Variants in CUX1 observed in about 807,000 individuals in gnomAD.
CUX1 encodes the protein protein CASP.
CUX1 carries 31 observed loss-of-function variants against 158.8 expected under a neutral mutation model. The ratio of observed to expected loss-of-function variants is 0.20; its 90% confidence interval spans 0.15 to 0.26. The LOEUF is 0.26. CUX1 is among the 10% of genes least tolerant of loss of function. The pLI, the probability that CUX1 is intolerant of heterozygous loss-of-function variation, is 1.00. For missense variants in CUX1, 1,589 were observed against 2,014.6 expected, an observed-to-expected ratio of 0.79 and a Z score of 4.04; for synonymous variants, 879 against 862.1, an observed-to-expected ratio of 1.02 and a Z score of -0.34.
chr7:101,819,986 C>T (rs1180701515), intron 1 of CUX1, among the ~76,000 whole-genome samples: 1 of 152,232 alleles, frequency 6.6e-6, no homozygotes, highest in Non-Finnish European at 1.5e-5. Context: ...GTGAACTGTG[C>T]TGAGCCTGAA....
At chr7:101,870,157 T>G (rs1294144557) in intron 1 of CUX1, among the ~76,000 whole-genome samples, 12 of 149,130 alleles carry the variant, frequency 8.0e-5, no homozygotes, top group Non-Finnish European at 1.3e-4. Context: ...TTTTTTGTTT[T>G]TTTTTTTTTT....
intron 9 of CUX1, among the ~76,000 whole-genome samples, chr7:102,164,524 C>T (rs1296316713): frequency 1.3e-5 from 2 of 152,178 alleles, no homozygotes; most frequent in Non-Finnish European, 2.9e-5. Flanking sequence ...CACAAGACTG[C>T]CCTAGTGGAG....
chr7:102,062,313 A>G (rs535094655), intron 3 of CUX1, among the ~76,000 whole-genome samples: 2 of 152,196 alleles, frequency 1.3e-5, no homozygotes, highest in East Asian at 1.9e-4. Flanking sequence ...CGGCAGCAGC[A>G]TATTCCATGT....
chr7:101,860,193 G>T (rs997968015), intron 1 of CUX1, among the ~76,000 whole-genome samples: 1 of 152,122 alleles, frequency 6.6e-6, no homozygotes, highest in African/African-American at 2.4e-5. Context: ...ATTTTGAACA[G>T]ATTCTTAAGA....
At chr7:102,232,032 T>TA (rs879994180) in intron 21 of CUX1, among the ~76,000 whole-genome samples, 70 of 141,200 alleles carry the variant, frequency 5.0e-4, no homozygotes, top group Admixed American at 7.7e-4. Context: ...TTATAACAAC[T>TA]AAAAAAAAAA....
At chr7:101,858,655 G>A (rs1797132225) in intron 1 of CUX1, among the ~76,000 whole-genome samples, 1 of 146,698 alleles carries the variant, frequency 6.8e-6, no homozygotes, top group Admixed American at 6.9e-5. Flanking sequence ...CTTAGAATGC[G>A]AATGCCTTTT....
At chr7:102,079,271 C>T (rs1163576428) in intron 4 of CUX1, among the ~76,000 whole-genome samples, 1 of 152,048 alleles carries the variant, frequency 6.6e-6, no homozygotes, top group Non-Finnish European at 1.5e-5. Flanking sequence ...AACCCCGTCT[C>T]TACTAAAAAT....
intron 2 of CUX1, chr7:101,960,287 G>A (rs1238431783): frequency 6.6e-6 from 1 of 152,174 alleles, no homozygotes; most frequent in Non-Finnish European, 1.5e-5. Flanking sequence ...CTGATTAATT[G>A]TGAGATTCTT....
At chr7:101,842,790 GTT>G (rs553781717) in intron 1 of CUX1, among the ~76,000 whole-genome samples, 2 of 134,774 alleles carry the variant, frequency 1.5e-5, no homozygotes, top group Non-Finnish European at 1.6e-5. Flanking sequence ...TGATGTATTG[GTT>G]TTTTTTTTTT....
chr7:101,824,170 C>T (rs1419389561), intron 1 of CUX1, among the ~76,000 whole-genome samples: 2 of 152,236 alleles, frequency 1.3e-5, no homozygotes, highest in African/African-American at 2.4e-5. Flanking sequence ...TCACCGCAAC[C>T]TCCACCTCCC....
intron 4 of CUX1, among the ~76,000 whole-genome samples, chr7:102,090,703 T>TA (rs1425659284): frequency 7.3e-6 from 1 of 137,878 alleles, no homozygotes; most frequent in South Asian, 2.3e-4. Flanking sequence ...TTTTTTTTTT[T>TA]CCTAGCTTTT....
intron 8 of CUX1, among the ~76,000 whole-genome samples, chr7:102,116,073 C>T (rs1554491719): frequency 6.6e-6 from 1 of 152,196 alleles, no homozygotes; most frequent in African/African-American, 2.4e-5. Flanking sequence ...GGTCCCCGCA[C>T]TCTGCTCACA....
intron 5 of CUX1, among the ~76,000 whole-genome samples, chr7:102,097,720 T>G (rs1554484819): frequency 6.6e-6 from 1 of 152,218 alleles, no homozygotes; most frequent in Non-Finnish European, 1.5e-5. Flanking sequence ...CGACGTAAGA[T>G]TTTATTGCCC....
intron 21 of CUX1, among the ~76,000 whole-genome samples, chr7:102,231,046 T>C: frequency 1.5e-5 from 1 of 64,920 alleles, no homozygotes; most frequent in East Asian, 5.1e-4. Flanking sequence ...TTTTTTTTTT[T>C]TGAGATGGAG....
intron 3 of CUX1, among the ~76,000 whole-genome samples, chr7:102,051,567 A>T (rs556397557): frequency 1.3e-5 from 2 of 151,486 alleles, no homozygotes; most frequent in East Asian, 3.9e-4. Context: ...AGGCAGCAGA[A>T]TCGTTTGAAC....
chr7:101,887,155 T>A (rs927472377), intron 1 of CUX1, among the ~76,000 whole-genome samples: 1 of 152,136 alleles, frequency 6.6e-6, no homozygotes, highest in Admixed American at 6.5e-5. Flanking sequence ...GAAGGGGCTT[T>A]GCTGGGGAGG....
At chr7:102,001,717 C>T (rs1368536403) in intron 2 of CUX1, among the ~76,000 whole-genome samples, 2 of 152,200 alleles carry the variant, frequency 1.3e-5, no homozygotes, top group African/African-American at 2.4e-5. Flanking sequence ...ACCTGGTGGT[C>T]AGGATGTTCC....
chr7:102,282,759 C>A, exon 22 of CUX1: 13 of 1,613,470 alleles, frequency 8.1e-6, no homozygotes, highest in Non-Finnish European at 1.1e-5. Context: ...GGGACTGTGC[C>A]ACCTTCTGCG....
intron 20 of CUX1, among the ~76,000 whole-genome samples, chr7:102,207,608 C>A (rs1458976979): frequency 6.6e-6 from 1 of 152,104 alleles, no homozygotes; most frequent in African/African-American, 2.4e-5. Context: ...CCCATCACCA[C>A]GCCCGGCTAA....
Sources: allele counts gnomAD v4.1 joint callset (sites outside exome capture counted in the v4.1 genomes callset), GRCh38; gene constraint gnomAD v4.1.1; transcripts MANE v1.5; gene names NCBI Gene and HGNC (gene_info 2026-07-23, HGNC 2026-07-21).